The following AMBRA1 variants were observed in gnomAD, a reference collection of about 807,000 sequenced individuals.
The protein encoded by AMBRA1 is activating molecule in BECN1-regulated autophagy protein 1.
Under a neutral mutation model 125.4 loss-of-function variants are expected in AMBRA1, and 47 were observed. That is an observed-to-expected ratio of 0.37 (90% confidence interval 0.30 to 0.48). AMBRA1 has a LOEUF of 0.48. AMBRA1 is among the 20% of genes least tolerant of loss of function. The pLI, the probability that AMBRA1 is intolerant of heterozygous loss-of-function variation, is 0.99. For synonymous variants in AMBRA1, 626 were observed against 655.5 expected, an observed-to-expected ratio of 0.95 and a Z score of 0.69; for missense variants, 1,331 against 1,693.4, an observed-to-expected ratio of 0.79 and a Z score of 3.76.
chr11:46,501,746 G>GCT (rs1950849582), intron 9 of AMBRA1, among the ~76,000 whole-genome samples: 1 of 152,124 alleles, frequency 6.6e-6, no homozygotes, highest in African/African-American at 2.4e-5. Flanking sequence ...TGTACAAACA[G>GCT]CTCACATTTA....
chr11:46,445,131 A>G (rs1364727995), intron 11 of AMBRA1, among the ~76,000 whole-genome samples: 1 of 152,072 alleles, frequency 6.6e-6, no homozygotes, highest in Non-Finnish European at 1.5e-5. Context: ...AAAGCATCAG[A>G]GTATATAAAT....
chr11:46,494,002 G>C, intron 10 of AMBRA1, 122 bp downstream of exon 10: 1 of 925,542 alleles, frequency 1.1e-6, no homozygotes, highest in Admixed American at 2.2e-5. Flanking sequence ...AGCAGGGCTG[G>C]GCTATGGGCC....
At chr11:46,428,979 C>G (rs931424383) in intron 14 of AMBRA1, 1 of 1,612,440 alleles carries the variant, frequency 6.2e-7, no homozygotes, top group South Asian at 1.1e-5. Context: ...TGTTCCTTCA[C>G]GTAGCCTCGG....
intron 12 of AMBRA1, among the ~76,000 whole-genome samples, chr11:46,436,309 C>T (rs1330579425): frequency 3.9e-5 from 6 of 152,196 alleles, no homozygotes; most frequent in Non-Finnish European, 7.3e-5. Flanking sequence ...ATTTGTAAAA[C>T]TCTATTTGTT....
At chr11:46,508,152 G>C in intron 9 of AMBRA1, 39 bp downstream of exon 9, 1 of 1,609,516 alleles carries the variant, frequency 6.2e-7, no homozygotes, top group Non-Finnish European at 8.5e-7. Flanking sequence ...CTCCAAGCTT[G>C]AGAGGAGAGG....
intron 11 of AMBRA1, among the ~76,000 whole-genome samples, chr11:46,455,049 T>C (rs894162055): frequency 4.0e-5 from 6 of 151,830 alleles, no homozygotes; most frequent in Non-Finnish European, 7.4e-5. Context: ...ACCCAGCTAA[T>C]TAAAAAAAAA....
intron 12 of AMBRA1, among the ~76,000 whole-genome samples, chr11:46,440,113 A>T (rs908553715): frequency 6.6e-6 from 1 of 152,198 alleles, no homozygotes; most frequent in East Asian, 1.9e-4. Flanking sequence ...TATCCTAGAG[A>T]TATACCTGCA....
intron 11 of AMBRA1, among the ~76,000 whole-genome samples, chr11:46,446,228 A>C (rs1473785802): frequency 1.3e-5 from 2 of 152,182 alleles, no homozygotes; most frequent in African/African-American, 4.8e-5. Context: ...TTAGGGAGCT[A>C]AAGATGCCAG....
intron 1 of AMBRA1, among the ~76,000 whole-genome samples, chr11:46,573,682 A>G (rs1279102103): frequency 8.3e-6 from 1 of 121,054 alleles, no homozygotes; most frequent in Non-Finnish European, 1.7e-5. Flanking sequence ...TTTTTTTATT[A>G]TACTTTAAGT....
At chr11:46,549,190 A>G (rs1189750530) in intron 1 of AMBRA1, 1 of 152,240 alleles carries the variant, frequency 6.6e-6, no homozygotes, top group East Asian at 1.9e-4. Context: ...AACTAGCAGC[A>G]CAATACACAC....
In AMBRA1 at chr11:46,583,798, A is replaced by G. The variant is rs974461839; in HGVS notation, c.-121+10030T>C. 2.8e-3 allele frequency among the ~76,000 whole-genome samples: 425 copies of G among 151,500 alleles called. 2 individuals carry two copies. Among genetic ancestry groups the G allele is most frequent in the African/African-American group, 9.3e-3 (386 of 41,404 alleles). On this transcript the variant is annotated intron_variant, in intron 1 of 17. Coordinates refer to ENST00000683756, the MANE Select transcript of AMBRA1 (RefSeq NM_001387011.1). ...TGCTCACCATCACTGGCCATCAGAGAAATGCAAATCAAAACCATAATGAGA... is the reference window on the plus strand; with the variant it reads ...TGCTCACCATCACTGGCCATCAGAGGAATGCAAATCAAAACCATAATGAGA...
chr11:46,577,913 G>A (rs2044016607), intron 1 of AMBRA1, among the ~76,000 whole-genome samples: 1 of 152,138 alleles, frequency 6.6e-6, no homozygotes, highest in Admixed American at 6.6e-5. Flanking sequence ...TAGCACCACT[G>A]CACTCCAGCC....
chr11:46,405,600 C>T (rs1167466308), intron 17 of AMBRA1, among the ~76,000 whole-genome samples: 2 of 151,996 alleles, frequency 1.3e-5, no homozygotes, highest in Non-Finnish European at 2.9e-5. Flanking sequence ...GTGGCACACA[C>T]CTGTAGTCCC....
At chr11:46,400,461 GTTCT>G (rs1056321511) in intron 17 of AMBRA1, among the ~76,000 whole-genome samples, 14 of 64,618 alleles carry the variant, frequency 2.2e-4, no homozygotes, top group African/African-American at 7.1e-4. Context: ...CATGCTTCTA[GTTCT>G]TTCTATAGTT....
At position 46,552,000 on chromosome 11, in the gene AMBRA1, C is replaced by T. The variant is rs180786712; in HGVS notation, c.-120-3500G>A. On this transcript the variant is annotated intron_variant, in intron 1 of 17. Coordinates refer to ENST00000683756, the MANE Select transcript of AMBRA1 (RefSeq NM_001387011.1). ...CCAAGATCGCACCACTGCACTCCGG[C>T]CTGGGTGACAGAGTGAAACTCCATC... 2.2e-3 allele frequency among the ~76,000 whole-genome samples: 330 copies of T among 151,000 alleles called. 2 individuals are homozygous for T. The highest frequency in any genetic ancestry group is 7.8e-3 in the African/African-American group (319 of 41,088).
intron 1 of AMBRA1, among the ~76,000 whole-genome samples, chr11:46,589,092 A>C (rs1298606831): frequency 2.6e-5 from 4 of 152,224 alleles, no homozygotes; most frequent in Non-Finnish European, 5.9e-5. Flanking sequence ...AATTTGTACA[A>C]GACTTCTCAG....
At chr11:46,442,570 C>G (rs1189306263) in intron 12 of AMBRA1, among the ~76,000 whole-genome samples, 3 of 152,016 alleles carry the variant, frequency 2.0e-5, no homozygotes, top group Admixed American at 6.5e-5. Context: ...GAGCCCTTCA[C>G]GAGGTAGAAA....
intron 1 of AMBRA1, among the ~76,000 whole-genome samples, chr11:46,577,315 T>C (rs2043991993): frequency 6.6e-6 from 1 of 152,108 alleles, no homozygotes; most frequent in African/African-American, 2.4e-5. Context: ...CCAATGGAGA[T>C]AAATAAACCT....
At chr11:46,468,170 T>A (rs959229039) in intron 11 of AMBRA1, among the ~76,000 whole-genome samples, 6 of 151,980 alleles carry the variant, frequency 3.9e-5, no homozygotes, top group African/African-American at 1.5e-4. Flanking sequence ...CTGTGAATTA[T>A]AAGAACAATA....
Sources: allele counts gnomAD v4.1 joint callset (sites outside exome capture counted in the v4.1 genomes callset), GRCh38; gene constraint gnomAD v4.1.1; transcripts MANE v1.5; gene names NCBI Gene and HGNC (gene_info 2026-07-23, HGNC 2026-07-21).